CADPS2: variants seen among roughly 807,000 people sequenced by gnomAD.
CADPS2 encodes calcium-dependent secretion activator 2.
A neutral mutation model predicts 172.5 loss-of-function variants in CADPS2; 93 were observed. The observed-to-expected ratio is 0.54, with a 90% CI of 0.46 to 0.64. The LOEUF (loss-of-function observed/expected upper bound fraction) is 0.64, where lower values mean the gene tolerates loss of function less well. CADPS2 is among the 30% of genes least tolerant of loss of function. The probability of loss-of-function intolerance (pLI) is 0.00; values close to 1 mark genes in which losing one functional copy is unlikely to be tolerated. For missense variants in CADPS2, 1,420 were observed against 1,565.9 expected (o/e 0.91, Z 1.57); for synonymous variants, 546 against 555.2 (o/e 0.98, Z 0.23).
chr7:122,720,431 T>C (rs907928522), intron 2 of CADPS2, among the ~76,000 whole-genome samples: 14 of 149,138 alleles, frequency 9.4e-5, no homozygotes, highest in African/African-American at 3.4e-4. Context: ...TATATATATA[T>C]ACATATATAT....
At chr7:122,707,110 C>A (rs543412916) in intron 2 of CADPS2, among the ~76,000 whole-genome samples, 1 of 151,738 alleles carries the variant, frequency 6.6e-6, no homozygotes, top group Admixed American at 6.6e-5. Context: ...CAGTTACAGG[C>A]TCTAAATTCC....
At chr7:122,785,691 G>T (rs890777501) in intron 1 of CADPS2, among the ~76,000 whole-genome samples, 1 of 151,972 alleles carries the variant, frequency 6.6e-6, no homozygotes, top group African/African-American at 2.4e-5. Context: ...GTTTTGTGGG[G>T]GTTAGGGAGA....
intron 1 of CADPS2, among the ~76,000 whole-genome samples, chr7:122,828,544 A>G (rs1325312995): frequency 2.0e-5 from 3 of 152,138 alleles, no homozygotes; most frequent in Admixed American, 6.5e-5. Flanking sequence ...TGGCACTACA[A>G]TTTTTGTTTC....
intron 7 of CADPS2, among the ~76,000 whole-genome samples, chr7:122,567,308 AC>A (rs2066595965): frequency 1.3e-5 from 2 of 152,034 alleles, no homozygotes; most frequent in Admixed American, 6.6e-5. Flanking sequence ...TTGAAAGATA[AC>A]CTCTACTCTC....
chr7:122,839,438 C>T (rs1165729953), intron 1 of CADPS2, among the ~76,000 whole-genome samples: 4 of 152,126 alleles, frequency 2.6e-5, no homozygotes, highest in South Asian at 4.2e-4. Flanking sequence ...TGGGATCTAA[C>T]TAAACTAAAG....
intron 2 of CADPS2, among the ~76,000 whole-genome samples, chr7:122,709,601 T>G (rs1452364533): frequency 1.3e-5 from 2 of 151,674 alleles, no homozygotes; most frequent in African/African-American, 2.4e-5. Flanking sequence ...TAAAGACACA[T>G]GCACACGTAT....
chr7:122,654,438 G>A (rs1035102785), intron 3 of CADPS2, among the ~76,000 whole-genome samples: 1 of 152,186 alleles, frequency 6.6e-6, no homozygotes, highest in Non-Finnish European at 1.5e-5. Flanking sequence ...AATGAAGCTG[G>A]TGAGTTTAGG....
chr7:122,659,749 A>G (rs954271333), intron 3 of CADPS2, among the ~76,000 whole-genome samples: 1 of 152,178 alleles, frequency 6.6e-6, no homozygotes, highest in Non-Finnish European at 1.5e-5. Flanking sequence ...CTCTTGAAGG[A>G]AGCCATAAGG....
chr7:122,393,343 GGAC>G (rs769426994), intron 21 of CADPS2, 28 bp from the exon 22 acceptor site: 1 of 1,613,552 alleles, frequency 6.2e-7, no homozygotes, highest in Non-Finnish European at 8.5e-7. Flanking sequence ...ACGTGGGAAG[GGAC>G]CACCATAAGC....
chr7:122,800,833 A>T (rs188046663), intron 1 of CADPS2, among the ~76,000 whole-genome samples: 1 of 152,214 alleles, frequency 6.6e-6, no homozygotes, highest in Admixed American at 6.5e-5. Context: ...TCTACTAAAA[A>T]TACAAAAATT....
At chr7:122,449,944 T>G (rs180933740) in intron 15 of CADPS2, among the ~76,000 whole-genome samples, 1 of 152,178 alleles carries the variant, frequency 6.6e-6, no homozygotes, top group Admixed American at 6.6e-5. Context: ...CTAGCCCCAG[T>G]TGAAAAATCA....
chr7:122,544,378 T>C (rs2131709439), intron 8 of CADPS2, among the ~76,000 whole-genome samples: 1 of 152,204 alleles, frequency 6.6e-6, no homozygotes, highest in East Asian at 1.9e-4. Context: ...AAGACAAGAG[T>C]GCACAGTATC....
intron 9 of CADPS2, among the ~76,000 whole-genome samples, chr7:122,512,674 G>A (rs1185690117): frequency 6.6e-6 from 1 of 151,914 alleles, no homozygotes; most frequent in Non-Finnish European, 1.5e-5. Flanking sequence ...GCATTAAATG[G>A]CAGCATATTT....
chr7:122,437,708 T>C (rs2050808931), intron 17 of CADPS2, among the ~76,000 whole-genome samples: 2 of 152,020 alleles, frequency 1.3e-5, no homozygotes, highest in African/African-American at 2.4e-5. Context: ...AATAAAACTG[T>C]TGAATAAAAG....
In CADPS2 at chr7:122,477,026, AGGAGAGGAGAGGAGAG is replaced by A. The variant is rs1450694277; in HGVS notation, c.1862-2525_1862-2510del. On this transcript the variant is annotated intron_variant, in intron 12 of 29. Coordinates refer to ENST00000449022, the MANE Select transcript of CADPS2 (RefSeq NM_017954.11). ...AGGAGAGGAGAGGAGAGGAGAGGAG[AGGAGAGGAGAGGAGAG>A]GAGAGAGAGAAGAGAGAGAGAGAGA... Among the ~76,000 whole-genome samples, 277 of 104,296 alleles carry A rather than the reference AGGAGAGGAGAGGAGAG, an allele frequency of 2.7e-3. 7 individuals are homozygous for A. The highest frequency in any genetic ancestry group is 1.0e-2 in the African/African-American group (228 of 22,902). 68.4% of individuals were successfully genotyped at this position (104,296 alleles called of 152,430 possible). A position where few individuals can be genotyped will look rare whatever the true frequency, so the allele number is the denominator to read the frequency against.
chr7:122,475,571 C>A (rs545906839), intron 12 of CADPS2, among the ~76,000 whole-genome samples: 1 of 152,244 alleles, frequency 6.6e-6, no homozygotes, highest in South Asian at 2.1e-4. Flanking sequence ...GAGTCAGACT[C>A]ATAATAAAAC....
chr7:122,755,729 TAAAA>T (rs775668115), intron 1 of CADPS2, among the ~76,000 whole-genome samples: 1 of 137,502 alleles, frequency 7.3e-6, no homozygotes, highest in Non-Finnish European at 1.6e-5. Flanking sequence ...TTAGAGAGGC[TAAAA>T]AAAAAAAAGG....
chr7:122,705,330 G>C (rs2136386388), intron 2 of CADPS2, among the ~76,000 whole-genome samples: 1 of 149,958 alleles, frequency 6.7e-6, no homozygotes, highest in African/African-American at 2.4e-5. Flanking sequence ...TCAATACATG[G>C]ACATTCTTTC....
rs1375890053 is a variant in CADPS2, at chr7:122,789,787, T to G, written c.340-52719A>C. 3.3e-5 allele frequency among the ~76,000 whole-genome samples: 5 copies of G among 152,276 alleles called. No individual in the cohort carries two copies. In the South Asian group the frequency reaches 8.3e-4, roughly 25 times the overall value. Reference sequence around the variant, plus strand: ...AAACCAAAAATAAAACATAACACACTGTTTAGAAAGGCAAAAACTATGTGT... The same window carrying G: ...AAACCAAAAATAAAACATAACACACGGTTTAGAAAGGCAAAAACTATGTGT... On this transcript the variant is annotated intron_variant, in intron 1 of 29. Coordinates refer to ENST00000449022, the MANE Select transcript of CADPS2 (RefSeq NM_017954.11).
Sources: gnomAD v4.1 joint callset for allele counts (sites outside exome capture counted in the v4.1 genomes callset) on GRCh38, gnomAD v4.1.1 for gene constraint, MANE v1.5 for transcripts, NCBI Gene and HGNC (gene_info 2026-07-23, HGNC 2026-07-21) for gene names.